TTC34: variants seen among roughly 807,000 people sequenced by gnomAD.
TTC34 encodes tetratricopeptide repeat protein 34.
A neutral mutation model predicts 40.7 loss-of-function variants in TTC34; 44 were observed. That is an observed-to-expected ratio of 1.08 (90% CI 0.85 to 1.39). The LOEUF (loss-of-function observed/expected upper bound fraction) is 1.39, where lower values mean the gene tolerates loss of function less well. TTC34 is among the 40% of genes most tolerant of loss of function. TTC34 has a pLI of 0.00. For missense variants in TTC34, 884 were observed against 838.0 expected, an observed-to-expected ratio of 1.05 and a Z score of -0.68; for synonymous variants, 422 against 398.6, an observed-to-expected ratio of 1.06 and a Z score of -0.70.
At chr1:2,690,131 A>C in intron 6 of TTC34, among the ~76,000 whole-genome samples, 1 of 146,474 alleles carries the variant, frequency 6.8e-6, no homozygotes, top group Non-Finnish European at 1.5e-5. Context: ...CTGGAACAGC[A>C]CCCACACCCC....
Position 2,645,238 on chromosome 1 carries a change from G to A in TTC34, c.2497+55C>T. On this transcript the variant is annotated intron_variant, in intron 7 of 8. Transcript: ENST00000401095. The surrounding 1 kb of genome is among the most constrained non-coding windows in gnomAD (Gnocchi z 4.7). ...TACAGAACAGGATACAGAGGTCAGA[G>A]GAGCGGGGACAGAAGCCCAGACCCC... 1 of 1,428,682 alleles carries A rather than the reference G, an allele frequency of 7.0e-7. No individual in the cohort carries two copies. 88.5% of individuals were successfully genotyped at this position (1,428,682 alleles called of 1,614,324 possible).
At chr1:2,674,749 C>A (rs1639832382) in intron 6 of TTC34, among the ~76,000 whole-genome samples, 1 of 74,380 alleles carries the variant, frequency 1.3e-5, no homozygotes, top group African/African-American at 4.7e-5. Context: ...CAGCCTGGAG[C>A]AGCAACCACA....
chr1:2,653,775 G>T (rs1390201392), intron 6 of TTC34, among the ~76,000 whole-genome samples: 9 of 152,156 alleles, frequency 5.9e-5, no homozygotes, highest in African/African-American at 1.7e-4. Flanking sequence ...CACACCCCCA[G>T]GCGAGCATCT....
chr1:2,666,208 ACC>A (rs1639649126), intron 6 of TTC34, among the ~76,000 whole-genome samples: 1 of 83,820 alleles, frequency 1.2e-5, no homozygotes, highest in African/African-American at 4.3e-5. Context: ...CAGCACCCAC[ACC>A]CCCAGGTGAG....
At chr1:2,751,814 G>C (rs1430306775) in intron 6 of TTC34, among the ~76,000 whole-genome samples, 1 of 114,318 alleles carries the variant, frequency 8.7e-6, no homozygotes, top group Non-Finnish European at 1.7e-5. Context: ...CACATCCCCA[G>C]GTGAGAATCT....
chr1:2,645,545 C>G lies in TTC34; in HGVS notation c.2245G>C (p.Val749Leu), dbSNP rs554219727. 7.8e-6 allele frequency: 8 copies of G among 1,020,570 alleles called. No individual in the cohort carries two copies. The South Asian group carries it at 1.1e-4, about 13-fold the overall frequency. The allele number at this position is 1,020,570 out of a possible 1,614,324, so 63.2% of individuals were successfully genotyped here. ...CCGGGGCCGAGCTTCAGAGCAGAGA[C>G]GATGTCGTCCACGGCTTCCTGCAAG... is the stretch of plus-strand genomic sequence containing the variant. The change falls in exon 7 of 9, where the codon GTC becomes CTC. Residue 749 changes from valine (V) to leucine (L), a missense_variant. Val to Leu is a conservative substitution (Grantham distance 32). Transcript: ENST00000401095. The surrounding 1 kb of genome is among the most constrained non-coding windows in gnomAD (Gnocchi z 4.7).
intron 2 of TTC34, among the ~76,000 whole-genome samples, chr1:2,792,117 G>A (rs1228642540): frequency 7.0e-6 from 1 of 143,392 alleles, no homozygotes; most frequent in Admixed American, 7.4e-5. Context: ...CCTGGGCTCA[G>A]CCTCCTGTGT....
rs527258191 is a variant in TTC34 at position 2,793,067 on chromosome 1, A to C, written c.785-2721T>G. On this transcript the variant is annotated intron_variant, in intron 2 of 8. Transcript: ENST00000401095. ...CCACAGTGACTTGAAGCCAACTTGAAGCCAGATCTTCTATTGTTAGATAGA... is the reference window on the plus strand; with the variant it reads ...CCACAGTGACTTGAAGCCAACTTGACGCCAGATCTTCTATTGTTAGATAGA... 2.0e-5 allele frequency among the ~76,000 whole-genome samples: 3 copies of C among 152,376 alleles called. 1 individual carries two copies. The South Asian group carries it at 6.2e-4, about 32-fold the overall frequency.
intron 6 of TTC34, among the ~76,000 whole-genome samples, chr1:2,771,546 C>T (rs1392765839): frequency 1.3e-5 from 1 of 74,340 alleles, no homozygotes; most frequent in Non-Finnish European, 2.4e-5. Context: ...ATCTGACAGC[C>T]TGGAGCAGCA....
intron 6 of TTC34, among the ~76,000 whole-genome samples, chr1:2,749,478 C>A (rs1385886010): frequency 1.4e-4 from 15 of 105,292 alleles, no homozygotes; most frequent in South Asian, 3.4e-4. Context: ...GGAACAGCAC[C>A]CACATCCCCA....
exon 3 of TTC34, chr1:2,789,758 C>T: frequency 1.5e-6 from 1 of 651,314 alleles, no homozygotes; most frequent in African/African-American, 1.9e-5. Flanking sequence ...CAGTCCCCGG[C>T]CGCACAGCGC....
intron 6 of TTC34, among the ~76,000 whole-genome samples, chr1:2,777,464 G>A (rs116773054): frequency 0.026 from 3,976 of 151,572 alleles, 184 homozygotes; most frequent in African/African-American, 0.092. Context: ...CCCCCGGTTA[G>A]TGTCTGAATT....
chr1:2,783,693 G>A (rs1479804372), exon 6 of TTC34: 2 of 1,545,802 alleles, frequency 1.3e-6, no homozygotes, highest in Non-Finnish European at 1.7e-6. Flanking sequence ...GCACTGTGTT[G>A]AAGTCGAACA....
chr1:2,753,289 C>G (rs1641387641), intron 6 of TTC34, among the ~76,000 whole-genome samples: 2 of 125,632 alleles, frequency 1.6e-5, no homozygotes, highest in African/African-American at 6.7e-5. Context: ...GGAACAGCAC[C>G]CTGCACACCC....
intron 6 of TTC34, among the ~76,000 whole-genome samples, chr1:2,695,074 C>T (rs1404461608): frequency 2.2e-5 from 3 of 137,734 alleles, no homozygotes; most frequent in Admixed American, 1.5e-4. Flanking sequence ...GCACACACAC[C>T]CCCAGGCGAG....
At chr1:2,646,167 T>G (rs1202180171) in intron 6 of TTC34, among the ~76,000 whole-genome samples, 1 of 152,166 alleles carries the variant, frequency 6.6e-6, no homozygotes, top group African/African-American at 2.4e-5. Context: ...TTCTAGCAAT[T>G]GCCTTGTGGA....
In TTC34 at chr1:2,687,549, T is replaced by C. The variant is rs891435929; in HGVS notation, c.2227-41986A>G. ...ACCCCCAGGTGAGCATCTGACAGCA[T>C]GGAGCAGCACGCTGCACCGCCAGGT... is the stretch of plus-strand genomic sequence containing the variant. On this transcript the variant is annotated intron_variant, in intron 6 of 8. Coordinates refer to ENST00000401095, the Ensembl canonical transcript of TTC34. 4.2e-5 allele frequency among the ~76,000 whole-genome samples: 6 copies of C among 141,532 alleles called. 1 individual carries two copies. The highest frequency in any genetic ancestry group is 1.5e-4 in the African/African-American group (5 of 33,544). 92.9% of individuals were successfully genotyped at this position (141,532 alleles called of 152,430 possible). A position where few individuals can be genotyped will look rare whatever the true frequency, so the allele number is the denominator to read the frequency against.
intron 6 of TTC34, among the ~76,000 whole-genome samples, chr1:2,771,524 C>A (rs1232541708): frequency 1.3e-5 from 1 of 78,250 alleles, no homozygotes; most frequent in Admixed American, 1.1e-4. Context: ...GCACGCACAC[C>A]CCCAGGCGAG....
intron 2 of TTC34, among the ~76,000 whole-genome samples, chr1:2,791,213 C>T (rs1006201829): frequency 3.9e-5 from 6 of 152,224 alleles, no homozygotes; most frequent in African/African-American, 1.4e-4. Flanking sequence ...CTGCCCCATC[C>T]CAAAAAGGGC....
Sources: allele counts gnomAD v4.1 joint callset (sites outside exome capture counted in the v4.1 genomes callset), GRCh38; gene constraint gnomAD v4.1.1; non-coding constraint Gnocchi (gnomAD v3.1); transcripts MANE v1.5; gene names NCBI Gene and HGNC (gene_info 2026-07-23, HGNC 2026-07-21).